GRM7: variants seen among roughly 807,000 people sequenced by gnomAD.
The protein encoded by GRM7 is metabotropic glutamate receptor 7.
Under a neutral mutation model 84.5 loss-of-function variants are expected in GRM7, and 35 were observed. The ratio of observed to expected loss-of-function variants is 0.41; its 90% CI spans 0.32 to 0.55. The LOEUF (loss-of-function observed/expected upper bound fraction) is 0.55, where lower values mean the gene tolerates loss of function less well. GRM7 is among the 20% of genes least tolerant of loss of function. The pLI, the probability that GRM7 is intolerant of heterozygous loss-of-function variation, is 0.19. For synonymous variants in GRM7, 487 were observed against 455.1 expected (o/e 1.07, Z -0.89); for missense variants, 1,003 against 1,194.6 (o/e 0.84, Z 2.36).
At chr3:7,156,065 A>C (rs1412535075) in intron 2 of GRM7, among the ~76,000 whole-genome samples, 3 of 152,154 alleles carry the variant, frequency 2.0e-5, no homozygotes, top group Non-Finnish European at 4.4e-5. Flanking sequence ...GTATCATTAC[A>C]CTCTAAAAGC....
At position 7,385,289 on chromosome 3, in the gene GRM7, A is replaced by ATTTTTT. The variant is rs574917994; in HGVS notation, c.1034-29710_1034-29705dup. On this transcript the variant is annotated intron_variant, in intron 4 of 9. Transcript: ENST00000357716. ...TTTGTGGAATCTTATTTCTATATGG[A>ATTTTTT]TTTTTTTTTTTTTTTTTTTTTTTTT... 2.5e-4 allele frequency among the ~76,000 whole-genome samples: 17 copies of ATTTTTT among 67,286 alleles called. 2 individuals are homozygous for ATTTTTT. The highest frequency in any genetic ancestry group is 7.0e-4 in the South Asian group (1 of 1,438). The allele number at this position is 67,286 out of a possible 152,430, so 44.1% of individuals were successfully genotyped here.
intron 5 of GRM7, among the ~76,000 whole-genome samples, chr3:7,438,356 G>C (rs950943843): frequency 1.8e-4 from 27 of 152,074 alleles, no homozygotes; most frequent in African/African-American, 6.0e-4. Flanking sequence ...TCATGGGTGA[G>C]ATATGGGGAA....
intron 1 of GRM7, among the ~76,000 whole-genome samples, chr3:6,917,873 C>G (rs1044683291): frequency 1.3e-5 from 2 of 152,024 alleles, no homozygotes; most frequent in Non-Finnish European, 2.9e-5. Context: ...CAAAATAGTA[C>G]AGAAAGAAGT....
intron 2 of GRM7, among the ~76,000 whole-genome samples, chr3:7,163,035 C>T: frequency 6.6e-6 from 1 of 152,048 alleles, no homozygotes. Context: ...GCTGGGATTA[C>T]AGGTGTGAGC....
At chr3:6,973,004 C>G (rs533315462) in intron 1 of GRM7, among the ~76,000 whole-genome samples, 1 of 152,108 alleles carries the variant, frequency 6.6e-6, no homozygotes, top group Non-Finnish European at 1.5e-5. Flanking sequence ...ATATGAGAGT[C>G]AGTTTTGATT....
At chr3:7,679,275 T>C (rs1700262515) in intron 8 of GRM7, among the ~76,000 whole-genome samples, 1 of 152,156 alleles carries the variant, frequency 6.6e-6, no homozygotes, top group African/African-American at 2.4e-5. Context: ...ACAGCCCAAA[T>C]GGACGGAACC....
intron 1 of GRM7, among the ~76,000 whole-genome samples, chr3:7,109,513 G>T (rs1229874023): frequency 6.6e-6 from 1 of 152,056 alleles, no homozygotes; most frequent in Non-Finnish European, 1.5e-5. Flanking sequence ...TGTGATACCT[G>T]CAGGAAAAGT....
chr3:7,668,996 T>G (rs1370868994), intron 8 of GRM7, among the ~76,000 whole-genome samples: 1 of 152,242 alleles, frequency 6.6e-6, no homozygotes, highest in African/African-American at 2.4e-5. Context: ...GTATTCAAAC[T>G]CAGACTTACA....
chr3:7,674,289 T>A (rs1171596322), intron 8 of GRM7, among the ~76,000 whole-genome samples: 2 of 151,982 alleles, frequency 1.3e-5, no homozygotes, highest in Admixed American at 1.3e-4. Flanking sequence ...CCTTCTGGAT[T>A]CAAGCAATTC....
intron 4 of GRM7, among the ~76,000 whole-genome samples, chr3:7,384,385 G>T (rs1300422657): frequency 6.6e-6 from 1 of 151,894 alleles, no homozygotes; most frequent in Non-Finnish European, 1.5e-5. Flanking sequence ...TTGGATAATT[G>T]AAAAAACATC....
At chr3:7,686,292 TAATAAA>T (rs1700581404) in intron 9 of GRM7, 8 of 720,954 alleles carry the variant, frequency 1.1e-5, no homozygotes, top group Admixed American at 1.0e-4. Flanking sequence ...AAAATAATAA[TAATAAA>T]AAGTAATATT....
chr3:7,094,092 A>G (rs1698770603), intron 1 of GRM7, among the ~76,000 whole-genome samples: 1 of 152,190 alleles, frequency 6.6e-6, no homozygotes, highest in African/African-American at 2.4e-5. Flanking sequence ...CTAGAAATAC[A>G]GCAGAGAATA....
rs76727355 is a variant in GRM7, at chr3:7,619,832, A to G, written c.2451+40475A>G. 8.7e-4 allele frequency among the ~76,000 whole-genome samples: 132 copies of G among 152,306 alleles called. 2 individuals carry two copies. In the East Asian group the frequency reaches 0.024, roughly 27 times the overall value. On this transcript the variant is annotated intron_variant, in intron 8 of 9. Coordinates refer to ENST00000357716, the MANE Select transcript of GRM7 (RefSeq NM_000844.4). ...AGTCCCACAACCTTTTGTGCCTTCT[A>G]TTCTAAGTTCACCTTCCTCAGTAGT...
At chr3:7,243,094 C>A (rs1697621423) in intron 2 of GRM7, among the ~76,000 whole-genome samples, 1 of 152,134 alleles carries the variant, frequency 6.6e-6, no homozygotes, top group African/African-American at 2.4e-5. Context: ...TTCTAAGACA[C>A]ACTGGGCTAA....
chr3:7,715,808 G>T (rs2106515429), intron 9 of GRM7, among the ~76,000 whole-genome samples: 1 of 152,166 alleles, frequency 6.6e-6, no homozygotes, highest in Non-Finnish European at 1.5e-5. Context: ...GCAACATAAA[G>T]GTTTCCAATT....
rs138371017 is a variant in GRM7 at position 7,071,935 on chromosome 3, C to T, written c.520-74517C>T. Among the ~76,000 whole-genome samples, 7 of 152,040 alleles carry T rather than the reference C, an allele frequency of 4.6e-5. No individual in the cohort carries two copies. In the East Asian group the frequency reaches 7.7e-4, roughly 17 times the overall value. Reference sequence around the variant, plus strand: ...CTCCATTTTTCTTAATCTCAGAGAACGGTCTACCAAAAAAATTTAAAAAAA... The same window carrying T: ...CTCCATTTTTCTTAATCTCAGAGAATGGTCTACCAAAAAAATTTAAAAAAA... On this transcript the variant is annotated intron_variant, in intron 1 of 9. Coordinates refer to ENST00000357716, the MANE Select transcript of GRM7 (RefSeq NM_000844.4).
intron 2 of GRM7, among the ~76,000 whole-genome samples, chr3:7,193,449 T>G (rs1329267466): frequency 6.6e-6 from 1 of 152,136 alleles, no homozygotes; most frequent in Non-Finnish European, 1.5e-5. Context: ...CCATTAGACC[T>G]CTGTGGGAGG....
intron 4 of GRM7, among the ~76,000 whole-genome samples, chr3:7,362,915 G>A (rs1006507464): frequency 5.3e-5 from 8 of 151,988 alleles, no homozygotes; most frequent in Non-Finnish European, 1.0e-4. Flanking sequence ...ATTGCTTGAA[G>A]CCAGAGTCTG....
At chr3:7,373,145 A>C (rs1694209811) in intron 4 of GRM7, among the ~76,000 whole-genome samples, 1 of 152,162 alleles carries the variant, frequency 6.6e-6, no homozygotes, top group Admixed American at 6.6e-5. Context: ...AGCTACCACT[A>C]TCTGCTTAAT....
Sources: gnomAD v4.1 joint callset for allele counts (sites outside exome capture counted in the v4.1 genomes callset) on GRCh38, gnomAD v4.1.1 for gene constraint, MANE v1.5 for transcripts, NCBI Gene and HGNC (gene_info 2026-07-23, HGNC 2026-07-21) for gene names.